Variants in BMP5 observed in about 807,000 individuals in gnomAD.
BMP5 encodes the protein bone morphogenetic protein 5.
BMP5 carries 23 observed loss-of-function variants against 46.6 expected under a neutral mutation model. The observed-to-expected ratio is 0.49, with a 90% CI of 0.35 to 0.70. BMP5 has a LOEUF of 0.70. BMP5 is among the 30% of genes least tolerant of loss of function. The probability of loss-of-function intolerance (pLI) is 0.00; values close to 1 mark genes in which losing one functional copy is unlikely to be tolerated. For synonymous variants in BMP5, 204 were observed against 191.9 expected, an observed-to-expected ratio of 1.06 and a Z score of -0.52; for missense variants, 545 against 565.6, an observed-to-expected ratio of 0.96 and a Z score of 0.37.
chr6:55,830,671 T>A (rs1354970070), intron 1 of BMP5, among the ~76,000 whole-genome samples: 3 of 152,098 alleles, frequency 2.0e-5, no homozygotes, highest in African/African-American at 7.2e-5. Flanking sequence ...AAGTTTGACT[T>A]GTTCTTAATG....
intron 3 of BMP5, among the ~76,000 whole-genome samples, chr6:55,775,755 A>G (rs1313757834): frequency 6.6e-6 from 1 of 151,662 alleles, no homozygotes; most frequent in Admixed American, 6.6e-5. Context: ...TAGCAAATAA[A>G]CCCTTGCTCT....
chr6:55,782,397 T>C (rs9396156), intron 3 of BMP5, among the ~76,000 whole-genome samples: 3,230 of 152,300 alleles, frequency 0.021, 137 homozygotes, highest in East Asian at 0.14. Context: ...CATTTTTTCA[T>C]GTATCTGGCT....
chr6:55,817,360 T>C (rs577956412), intron 2 of BMP5, among the ~76,000 whole-genome samples: 4 of 152,116 alleles, frequency 2.6e-5, no homozygotes, highest in Non-Finnish European at 4.4e-5. Flanking sequence ...CAAATGTCCA[T>C]CAATGATAGA....
intron 1 of BMP5, among the ~76,000 whole-genome samples, chr6:55,835,988 G>A (rs530393586): frequency 2.0e-5 from 3 of 151,948 alleles, no homozygotes; most frequent in East Asian, 3.9e-4. Flanking sequence ...AACACAATAC[G>A]GTATTTTCTT....
intron 1 of BMP5, among the ~76,000 whole-genome samples, chr6:55,871,567 C>T (rs755204980): frequency 9.2e-5 from 14 of 151,676 alleles, no homozygotes; most frequent in Non-Finnish European, 1.8e-4. Context: ...ATCTATTTTT[C>T]ACTTATGAAT....
At chr6:55,827,960 T>C (rs1021293151) in intron 1 of BMP5, among the ~76,000 whole-genome samples, 3 of 151,874 alleles carry the variant, frequency 2.0e-5, no homozygotes, top group African/African-American at 7.2e-5. Context: ...ACATTTTCTT[T>C]AGTGGAAAAA....
At chr6:55,787,342 T>A (rs1454556578) in intron 3 of BMP5, among the ~76,000 whole-genome samples, 1 of 151,716 alleles carries the variant, frequency 6.6e-6, no homozygotes, top group East Asian at 1.9e-4. Flanking sequence ...ACAAATACAC[T>A]TAAATTTTAT....
At chr6:55,841,545 C>A (rs895744703) in intron 1 of BMP5, among the ~76,000 whole-genome samples, 2 of 152,068 alleles carry the variant, frequency 1.3e-5, no homozygotes, top group Non-Finnish European at 2.9e-5. Context: ...AATGTATTTC[C>A]TCATAGTACT....
chr6:55,844,744 C>T (rs906223432), intron 1 of BMP5, among the ~76,000 whole-genome samples: 8 of 151,546 alleles, frequency 5.3e-5, no homozygotes, highest in Non-Finnish European at 7.4e-5. Context: ...TAACTCTTGC[C>T]ATAAGTAGTT....
intron 2 of BMP5, among the ~76,000 whole-genome samples, chr6:55,809,997 A>C (rs1393661444): frequency 6.6e-6 from 1 of 152,142 alleles, no homozygotes; most frequent in East Asian, 1.9e-4. Context: ...AGGAGAAAGC[A>C]TACATCTCTC....
chr6:55,859,532 A>G (rs140312197), intron 1 of BMP5, among the ~76,000 whole-genome samples: 123 of 152,326 alleles, frequency 8.1e-4, no homozygotes, highest in Non-Finnish European at 1.5e-3. Context: ...TCAAAAACTT[A>G]AAAATCAAGA....
intron 1 of BMP5, among the ~76,000 whole-genome samples, chr6:55,821,851 TG>T (rs1386086100): frequency 6.6e-6 from 1 of 152,174 alleles, no homozygotes; most frequent in Non-Finnish European, 1.5e-5. Context: ...GTAACTGATG[TG>T]CATGTAAGAA....
intron 1 of BMP5, among the ~76,000 whole-genome samples, chr6:55,838,495 A>AT (rs1183437000): frequency 2.6e-5 from 4 of 151,862 alleles, no homozygotes; most frequent in Admixed American, 6.6e-5. Flanking sequence ...AAATTATTAG[A>AT]TTTTTTCCTA....
rs555283898 is a variant in BMP5, at chr6:55,801,299, C to T, written c.684-6872G>A. On this transcript the variant is annotated intron_variant, in intron 2 of 6. Coordinates refer to ENST00000370830, the MANE Select transcript of BMP5 (RefSeq NM_021073.4). ...ATATTGTGGAGATCTGCTGGTTCAT[C>T]TTATTGGTGTTGAGCATGCAGCTCC... Among the ~76,000 whole-genome samples, 205 of 152,252 alleles carry T rather than the reference C, an allele frequency of 1.3e-3. 1 individual carries two copies. Among genetic ancestry groups the T allele is most frequent in the Non-Finnish European group, 1.2e-3 (81 of 68,014 alleles).
At chr6:55,820,526 T>G (rs992961118) in intron 1 of BMP5, among the ~76,000 whole-genome samples, 1 of 152,056 alleles carries the variant, frequency 6.6e-6, no homozygotes, top group African/African-American at 2.4e-5. Context: ...CAAGTGATCC[T>G]CCCACCTCAA....
At chr6:55,773,950 G>T in intron 4 of BMP5, 99 bp downstream of exon 4, 3 of 1,277,696 alleles carry the variant, frequency 2.3e-6, no homozygotes, top group Non-Finnish European at 3.4e-6. Flanking sequence ...TGTACCATCC[G>T]AAGGTATACA....
intron 2 of BMP5, among the ~76,000 whole-genome samples, chr6:55,807,958 G>A (rs941368548): frequency 1.3e-5 from 2 of 152,214 alleles, no homozygotes; most frequent in African/African-American, 4.8e-5. Context: ...CAGTTGGATG[G>A]CATGGGGAGC....
chr6:55,755,803 C>T, intron 6 of BMP5, 121 bp from the exon 7 acceptor site: 3 of 979,706 alleles, frequency 3.1e-6, no homozygotes, highest in Non-Finnish European at 4.7e-6. Flanking sequence ...GATCTCCCTT[C>T]TCCCATTTAT....
intron 1 of BMP5, among the ~76,000 whole-genome samples, chr6:55,853,349 T>G (rs925111539): frequency 7.1e-6 from 1 of 140,946 alleles, no homozygotes; most frequent in African/African-American, 2.6e-5. Context: ...GCTTTCTCTC[T>G]CTCTCTCTCT....
Sources: allele counts gnomAD v4.1 joint callset (sites outside exome capture counted in the v4.1 genomes callset), GRCh38; gene constraint gnomAD v4.1.1; transcripts MANE v1.5; gene names NCBI Gene and HGNC (gene_info 2026-07-23, HGNC 2026-07-21).